Variants in HDAC4 observed in about 807,000 individuals in gnomAD.
HDAC4 encodes the protein histone deacetylase 4, also known as histone deacetylase A.
In HDAC4, 16 loss-of-function variants were observed where a neutral mutation model predicts 135.1. The observed-to-expected ratio is 0.12, with a 90% CI of 0.08 to 0.18. The LOEUF is 0.18. Ranked by LOEUF, HDAC4 falls within the 10% of genes least tolerant of loss-of-function variation. The pLI is 1.00. For missense variants in HDAC4, 1,143 were observed against 1,511.8 expected, an observed-to-expected ratio of 0.76 and a Z score of 4.05; for synonymous variants, 685 against 653.4, an observed-to-expected ratio of 1.05 and a Z score of -0.74.
rs1469275562 is a variant in HDAC4, at chr2:239,352,946, T to G, written c.-219-28A>C. ...GCAAGGTCAGAAGGAGAAAAGAGAC[T>G]GGAGTTACAACATGGAAGTTCCGAT... On this transcript the variant is annotated intron_variant, in intron 1 of 26. Coordinates refer to ENST00000543185, the MANE Select transcript of HDAC4 (RefSeq NM_001378414.1). This position sits in a 1 kb window ranked among gnomAD's most constrained non-coding sequence, Gnocchi z 4.4. 1 of 542,522 alleles carries G rather than the reference T, an allele frequency of 1.8e-6. No homozygotes were observed. The highest frequency in any genetic ancestry group is 3.3e-6 in the Non-Finnish European group (1 of 301,542). 33.6% of individuals were successfully genotyped at this position (542,522 alleles called of 1,614,324 possible).
intron 2 of HDAC4, among the ~76,000 whole-genome samples, chr2:239,287,280 GT>G (rs2051194316): frequency 6.6e-6 from 1 of 152,188 alleles, no homozygotes; most frequent in African/African-American, 2.4e-5. Context: ...GGCTGCGACG[GT>G]TTCTCAGACT....
At chr2:239,211,703 G>A (rs2046360857) in intron 3 of HDAC4, among the ~76,000 whole-genome samples, 1 of 152,176 alleles carries the variant, frequency 6.6e-6, no homozygotes, top group South Asian at 2.1e-4. Flanking sequence ...ATCCCAGGCA[G>A]TGACTTTTCC....
intron 3 of HDAC4, among the ~76,000 whole-genome samples, chr2:239,209,636 C>G (rs561798054): frequency 6.6e-6 from 1 of 152,164 alleles, no homozygotes. Context: ...GTGCTTCTTA[C>G]GACAAAATAT....
In HDAC4 at chr2:239,388,397, G is replaced by A. The variant is rs185537872; in HGVS notation, c.-220+12581C>T. Among the ~76,000 whole-genome samples the A allele has an allele frequency of 3.5e-3, 526 of 152,330 alleles. 8 individuals carry two copies. Among genetic ancestry groups the A allele is most frequent in the Admixed American group, 0.02 (300 of 15,304 alleles). ...GCAGGGAGGCAGATGCGGTCAGTGC[G>A]GCTTCCAGGACTATCTGGGCCCGGG... On this transcript the variant is annotated intron_variant, in intron 1 of 26. Coordinates refer to ENST00000543185, the MANE Select transcript of HDAC4 (RefSeq NM_001378414.1).
chr2:239,342,711 A>G (rs182058934), intron 2 of HDAC4, among the ~76,000 whole-genome samples: 2 of 152,344 alleles, frequency 1.3e-5, no homozygotes, highest in East Asian at 3.9e-4. Context: ...GCAAGGGGAC[A>G]CTGGGCAGAG....
intron 3 of HDAC4, among the ~76,000 whole-genome samples, chr2:239,196,620 G>A (rs573854240): frequency 7.2e-4 from 109 of 152,244 alleles, no homozygotes; most frequent in African/African-American, 2.5e-3. Flanking sequence ...GTGAAGCCAC[G>A]GGTGACCCCC....
At chr2:239,370,718 G>A (rs375792114) in intron 1 of HDAC4, among the ~76,000 whole-genome samples, 25 of 152,222 alleles carry the variant, frequency 1.6e-4, no homozygotes, top group African/African-American at 1.2e-4. Context: ...GCCCTGCGGC[G>A]CCTGGAGGAG....
At chr2:239,126,753 G>C in intron 11 of HDAC4, 59 bp from the exon 12 acceptor site, 70 of 1,485,566 alleles carry the variant, frequency 4.7e-5, no homozygotes, top group Non-Finnish European at 6.2e-5. Context: ...AGGAGGGAGA[G>C]AGGGCTATTG....
chr2:239,194,435 G>C lies in HDAC4; in HGVS notation c.95-4358C>G, dbSNP rs558977305. Among the ~76,000 whole-genome samples the C allele has an allele frequency of 2.6e-5, 4 of 152,282 alleles. No individual in the cohort carries two copies. The East Asian group carries it at 5.8e-4, about 22-fold the overall frequency. On this transcript the variant is annotated intron_variant, in intron 3 of 26. Coordinates refer to ENST00000543185, the MANE Select transcript of HDAC4 (RefSeq NM_001378414.1). ...CATGCTGAGCGCCACGCTGCTGCCG[G>C]GGAATTCTCTTCTGAAGCTTGGGTG...
At chr2:239,164,724 G>A (rs2043025238) in intron 5 of HDAC4, among the ~76,000 whole-genome samples, 1 of 152,222 alleles carries the variant, frequency 6.6e-6, no homozygotes, top group South Asian at 2.1e-4. Context: ...CACACCTTGA[G>A]GTGAGTGAAG....
chr2:239,102,716 G>A, intron 16 of HDAC4, 60 bp downstream of exon 16: 1 of 1,604,708 alleles, frequency 6.2e-7, no homozygotes, highest in African/African-American at 1.3e-5. Flanking sequence ...TTGAGAGCTG[G>A]AAACACAACC....
At chr2:239,229,572 T>C (rs138324948) in intron 3 of HDAC4, among the ~76,000 whole-genome samples, 90 of 152,232 alleles carry the variant, frequency 5.9e-4, no homozygotes, top group African/African-American at 2.1e-3. Context: ...GTGCCTGAGG[T>C]TGTCACGTTA....
At chr2:239,332,030 CAATTTTATGGAAT>C (rs1183601101) in intron 2 of HDAC4, among the ~76,000 whole-genome samples, 1 of 152,148 alleles carries the variant, frequency 6.6e-6, no homozygotes, top group Non-Finnish European at 1.5e-5. Context: ...GCAGTTATTC[CAATTTTATGGAAT>C]AATTTTATGC....
rs1404422456 is a variant in HDAC4, at chr2:239,167,964, C to T, written c.491-4041G>A. Among the ~76,000 whole-genome samples, 3 of 7,076 alleles carry T rather than the reference C, an allele frequency of 4.2e-4. No individual in the cohort carries two copies. Among genetic ancestry groups the T allele is most frequent in the South Asian group, 5.9e-3 (1 of 170 alleles). 4.6% of individuals were successfully genotyped at this position (7,076 alleles called of 152,430 possible). On this transcript the variant is annotated intron_variant, in intron 5 of 26. Transcript: ENST00000543185. The surrounding 1 kb of genome is among the most constrained non-coding windows in gnomAD (Gnocchi z 4.1). ...GACAGCAGCTCTGGGTGGGGCGGGGCGGGGCAGGTGGGGAGGGACGGCTGT... is the reference window on the plus strand; with the variant it reads ...GACAGCAGCTCTGGGTGGGGCGGGGTGGGGCAGGTGGGGAGGGACGGCTGT...
rs140197984 is a variant in HDAC4 at position 239,102,901 on chromosome 2, G to A, written c.2113-5C>T. The stretch of plus-strand genomic sequence containing the variant: ...GGCCTTGCGTCCGCGGATGCACTGT[G>A]GGGACAGGCGAGAGGACACTCACAC... On this transcript the variant is annotated splice_region_variant and splice_polypyrimidine_tract_variant and intron_variant, in intron 15 of 26. Coordinates refer to ENST00000543185, the MANE Select transcript of HDAC4 (RefSeq NM_001378414.1). 5.0e-4 allele frequency: 814 copies of A among 1,613,732 alleles called. 15 individuals carry two copies. In the East Asian group the frequency reaches 0.017, roughly 33 times the overall value.
chr2:239,367,647 T>C (rs888502557), intron 1 of HDAC4, among the ~76,000 whole-genome samples: 1 of 152,200 alleles, frequency 6.6e-6, no homozygotes, highest in East Asian at 1.9e-4. Flanking sequence ...TTAAAAATAC[T>C]ATATGAAATT....
chr2:239,326,931 A>G (rs554471333), intron 2 of HDAC4, among the ~76,000 whole-genome samples: 1 of 152,318 alleles, frequency 6.6e-6, no homozygotes, highest in East Asian at 1.9e-4. Context: ...TCATACTGCT[A>G]AAGAGAAGTG....
In HDAC4 at chr2:239,245,332, G is replaced by C. The variant is rs551271241; in HGVS notation, c.23-8668C>G. The stretch of plus-strand genomic sequence containing the variant: ...TGAAACAGAAAATCCCAGGACAAAG[G>C]ACTCAGTGAGGCGGAGAGTGGGCAG... On this transcript the variant is annotated intron_variant, in intron 2 of 26. Transcript: ENST00000543185. The surrounding 1 kb of genome is among the most constrained non-coding windows in gnomAD (Gnocchi z 4.4). 6.6e-5 allele frequency among the ~76,000 whole-genome samples: 10 copies of C among 152,324 alleles called. No individual in the cohort carries two copies. The East Asian group carries it at 1.9e-3, about 29-fold the overall frequency.
chr2:239,247,488 C>T (rs1575516937), intron 2 of HDAC4, among the ~76,000 whole-genome samples: 1 of 152,202 alleles, frequency 6.6e-6, no homozygotes, highest in Non-Finnish European at 1.5e-5. Context: ...TTGCTCCTCC[C>T]GCTTCACCTT....
Sources: allele counts gnomAD v4.1 joint callset (sites outside exome capture counted in the v4.1 genomes callset), GRCh38; gene constraint gnomAD v4.1.1; non-coding constraint Gnocchi (gnomAD v3.1); transcripts MANE v1.5; gene names NCBI Gene and HGNC (gene_info 2026-07-23, HGNC 2026-07-21).